CORIN: variants seen among roughly 807,000 people sequenced by gnomAD.
CORIN encodes the protein atrial natriuretic peptide-converting enzyme.
CORIN carries 117 observed loss-of-function variants against 125.3 expected under a neutral mutation model. That is an observed-to-expected ratio of 0.93 (90% CI 0.80 to 1.09). The LOEUF is 1.09. CORIN is among the 50% of genes least tolerant of loss of function. CORIN has a pLI of 0.00. For missense variants in CORIN, 1,253 were observed against 1,306.7 expected, an observed-to-expected ratio of 0.96 and a Z score of 0.63; for synonymous variants, 450 against 466.4, an observed-to-expected ratio of 0.96 and a Z score of 0.45.
At chr4:47,807,141 C>A in intron 1 of CORIN, 94 bp from the exon 2 acceptor site, 3 of 934,666 alleles carry the variant, frequency 3.2e-6, no homozygotes, top group Non-Finnish European at 4.8e-6. Flanking sequence ...ACAGCACATT[C>A]CAAAAAGATT....
chr4:47,775,876 T>C (rs775649824), intron 3 of CORIN, among the ~76,000 whole-genome samples: 34 of 152,190 alleles, frequency 2.2e-4, no homozygotes, highest in Non-Finnish European at 4.1e-4. Flanking sequence ...TTCTATGGAT[T>C]TGGGGCTTTG....
intron 7 of CORIN, 156 bp downstream of exon 7, chr4:47,683,575 C>G: frequency 1.7e-6 from 1 of 582,654 alleles, no homozygotes; most frequent in Non-Finnish European, 3.0e-6. Context: ...TTACTGAGGA[C>G]AGTGACTGAA....
chr4:47,720,706 T>C (rs372797416), intron 5 of CORIN, among the ~76,000 whole-genome samples: 41 of 152,336 alleles, frequency 2.7e-4, no homozygotes, highest in East Asian at 1.9e-3. Context: ...TGCTATTAAG[T>C]GCCTGCAAGA....
chr4:47,711,449 C>G (rs1264304801), intron 5 of CORIN, among the ~76,000 whole-genome samples: 1 of 152,224 alleles, frequency 6.6e-6, no homozygotes, highest in Non-Finnish European at 1.5e-5. Flanking sequence ...AAGAGACGTG[C>G]TGCCATGTAC....
At chr4:47,734,888 T>C (rs973819612) in intron 5 of CORIN, among the ~76,000 whole-genome samples, 2 of 152,174 alleles carry the variant, frequency 1.3e-5, no homozygotes, top group African/African-American at 4.8e-5. Context: ...TTGCCAAATG[T>C]TCCCAAATGG....
intron 13 of CORIN, among the ~76,000 whole-genome samples, chr4:47,645,738 A>G (rs1435102485): frequency 1.3e-5 from 2 of 151,918 alleles, no homozygotes; most frequent in African/African-American, 2.4e-5. Flanking sequence ...AAAAAATACA[A>G]AAAACAGCAA....
chr4:47,622,877 T>C (rs1225923114), intron 19 of CORIN, among the ~76,000 whole-genome samples: 1 of 152,074 alleles, frequency 6.6e-6, no homozygotes, highest in African/African-American at 2.4e-5. Context: ...TTGTTTTGTC[T>C]GTGTTTTGGT....
chr4:47,655,739 T>C (rs1033180170), intron 12 of CORIN, among the ~76,000 whole-genome samples: 1 of 151,814 alleles, frequency 6.6e-6, no homozygotes, highest in Non-Finnish European at 1.5e-5. Flanking sequence ...GAGATGAATA[T>C]ATTCTTAGAA....
At chr4:47,717,236 G>A (rs546042361) in intron 5 of CORIN, among the ~76,000 whole-genome samples, 38 of 152,018 alleles carry the variant, frequency 2.5e-4, no homozygotes, top group Non-Finnish European at 3.8e-4. Flanking sequence ...GACAACTCAC[G>A]TATACGAACC....
chr4:47,744,548 G>A lies in CORIN; in HGVS notation c.653C>T (p.Ala218Val). 1 of 1,610,836 alleles carries A rather than the reference G, an allele frequency of 6.2e-7. No individual in the cohort carries two copies. Among genetic ancestry groups the A allele is most frequent in the Non-Finnish European group, 8.5e-7 (1 of 1,178,774 alleles). Reference protein sequence around the residue: ...GLLPCRSFCEAAKEGCESVLG... With the variant: ...GLLPCRSFCEVAKEGCESVLG... ...GACTGATTCACAGCCTTCTTTTGCAGCCTCACAGAAGGACCTACAGGGCAG... is the reference window on the plus strand; with the variant it reads ...GACTGATTCACAGCCTTCTTTTGCAACCTCACAGAAGGACCTACAGGGCAG... Residue 218 changes from alanine to valine, a missense_variant, in exon 5 of 22, where the codon GCT (alanine) becomes GTT (valine). Coordinates refer to ENST00000273857, the MANE Select transcript of CORIN (RefSeq NM_006587.4).
At chr4:47,819,131 C>A (rs1270241269) in intron 1 of CORIN, among the ~76,000 whole-genome samples, 1 of 152,026 alleles carries the variant, frequency 6.6e-6, no homozygotes, top group African/African-American at 2.4e-5. Context: ...AGCTGGGCAA[C>A]CCATAATAGA....
intron 2 of CORIN, among the ~76,000 whole-genome samples, chr4:47,805,135 C>CAAAAAAA (rs755747242): frequency 7.7e-6 from 1 of 129,416 alleles, no homozygotes; most frequent in African/African-American, 2.9e-5. Context: ...GACTCCATCT[C>CAAAAAAA]AAAAAAAAAA....
intron 12 of CORIN, among the ~76,000 whole-genome samples, chr4:47,655,238 G>A (rs1723918736): frequency 6.6e-6 from 1 of 151,812 alleles, no homozygotes; most frequent in Non-Finnish European, 1.5e-5. Flanking sequence ...GTGTAACTCA[G>A]CACATTCCCA....
intron 5 of CORIN, among the ~76,000 whole-genome samples, chr4:47,733,322 T>C (rs905842497): frequency 2.0e-5 from 3 of 152,330 alleles, no homozygotes; most frequent in African/African-American, 7.2e-5. Context: ...ACCTCATCTA[T>C]CTCTAGCAAA....
chr4:47,656,907 C>A (rs1724010172), intron 12 of CORIN, among the ~76,000 whole-genome samples: 1 of 152,156 alleles, frequency 6.6e-6, no homozygotes. Context: ...CAAAAAGCTA[C>A]AGAACTGATA....
At chr4:47,659,567 A>G (rs1577794203) in intron 12 of CORIN, among the ~76,000 whole-genome samples, 1 of 152,172 alleles carries the variant, frequency 6.6e-6, no homozygotes, top group East Asian at 1.9e-4. Flanking sequence ...AGCAAGAGAG[A>G]GAGTAGGGGA....
chr4:47,641,417 T>C (rs1723225900), intron 16 of CORIN, among the ~76,000 whole-genome samples: 1 of 152,226 alleles, frequency 6.6e-6, no homozygotes, highest in African/African-American at 2.4e-5. Flanking sequence ...TCCATTTCAG[T>C]ATATCTGTAT....
Position 47,799,106 on chromosome 4 carries a change from GGTGTGTGTGTGT to G in CORIN, c.208+7785_208+7796del, listed in dbSNP as rs764434569. Among the ~76,000 whole-genome samples, 21 of 141,550 alleles carry G rather than the reference GGTGTGTGTGTGT, an allele frequency of 1.5e-4. 1 individual carries two copies. Among genetic ancestry groups the G allele is most frequent in the South Asian group, 6.9e-4 (3 of 4,338 alleles). 92.9% of individuals were successfully genotyped at this position (141,550 alleles called of 152,430 possible). A position where few individuals can be genotyped will look rare whatever the true frequency, so the allele number is the denominator to read the frequency against. On this transcript the variant is annotated intron_variant, in intron 2 of 21. Coordinates refer to ENST00000273857, the MANE Select transcript of CORIN (RefSeq NM_006587.4). ...TTTATGGCTGCATAGTATCCCATGG[GGTGTGTGTGTGT>G]GTGTGTGTGTGTGTGTGTGTGTGTG...
At chr4:47,606,620 C>G in intron 19 of CORIN, among the ~76,000 whole-genome samples, 1 of 151,782 alleles carries the variant, frequency 6.6e-6, no homozygotes, top group East Asian at 1.9e-4. Flanking sequence ...TCCTTCCTTC[C>G]TTCCTACCTT....
Sources: allele counts gnomAD v4.1 joint callset (sites outside exome capture counted in the v4.1 genomes callset), GRCh38; gene constraint gnomAD v4.1.1; transcripts MANE v1.5; gene names NCBI Gene and HGNC (gene_info 2026-07-23, HGNC 2026-07-21).